Variants in GNG7 observed in about 807,000 individuals in gnomAD.
GNG7 encodes G protein subunit gamma 7.
A neutral mutation model predicts 4.0 loss-of-function variants in GNG7; 1 was observed. The observed-to-expected ratio is 0.25, with a 90% CI of 0.09 to 1.18. The LOEUF (loss-of-function observed/expected upper bound fraction) is 1.18, where lower values mean the gene tolerates loss of function less well. GNG7 is among the 50% of genes most tolerant of loss of function. The probability of loss-of-function intolerance (pLI) is 0.50; values close to 1 mark genes in which losing one functional copy is unlikely to be tolerated. For synonymous variants in GNG7, 34 were observed against 36.9 expected, an observed-to-expected ratio of 0.92 and a Z score of 0.29; for missense variants, 86 against 91.9, an observed-to-expected ratio of 0.94 and a Z score of 0.26.
At chr19:2,540,330 T>G (rs1978917153) in intron 3 of GNG7, among the ~76,000 whole-genome samples, 1 of 151,832 alleles carries the variant, frequency 6.6e-6, no homozygotes, top group Non-Finnish European at 1.5e-5. Context: ...TTTTAATTTT[T>G]TGTAGAGATG....
At chr19:2,528,025 T>A (rs1004584399) in intron 3 of GNG7, among the ~76,000 whole-genome samples, 1 of 151,926 alleles carries the variant, frequency 6.6e-6, no homozygotes, top group Non-Finnish European at 1.5e-5. Context: ...CCCAGAACTT[T>A]GGGAGGTTGA....
At chr19:2,596,188 A>G (rs548684075) in intron 2 of GNG7, among the ~76,000 whole-genome samples, 41 of 152,028 alleles carry the variant, frequency 2.7e-4, no homozygotes, top group African/African-American at 8.9e-4. Context: ...GTGAAACCCC[A>G]TCTCTACTGA....
At position 2,547,372 on chromosome 19, in the gene GNG7, G is replaced by A. The variant is rs548696045; in HGVS notation, c.-38+7777C>T. On this transcript the variant is annotated intron_variant, in intron 3 of 4. Transcript: ENST00000382159. ...GGCTCCAGGGGAGAATCTCTTTCCC[G>A]CCTTTCGCCTAGAGGTGCCCGTATC... 1.4e-3 allele frequency among the ~76,000 whole-genome samples: 207 copies of A among 152,056 alleles called. 1 individual carries two copies. Among genetic ancestry groups the A allele is most frequent in the African/African-American group, 4.6e-3 (189 of 41,462 alleles).
chr19:2,577,905 TCA>T (rs1980391397), intron 2 of GNG7, among the ~76,000 whole-genome samples: 1 of 150,358 alleles, frequency 6.7e-6, no homozygotes, highest in African/African-American at 2.4e-5. Context: ...AATGGCGCAA[TCA>T]CAGCTCACTG....
intron 2 of GNG7, chr19:2,643,378 C>G (rs1982572188): frequency 2.4e-6 from 1 of 410,100 alleles, no homozygotes; most frequent in African/African-American, 2.6e-5. Flanking sequence ...CTGAGCCTCT[C>G]CGGGCTCTGC....
Position 2,514,987 on chromosome 19 carries a change from AG to A in GNG7, c.*34del, listed in dbSNP as rs767004000. On this transcript the variant is annotated 3_prime_UTR_variant, in exon 5 of 5. Coordinates refer to ENST00000382159, the MANE Select transcript of GNG7 (RefSeq NM_052847.3). ...CAGAGACAGAGAGAGAGAGAGAGAA[AG>A]AGAGAGAGAGAGAGAGAACATATGA... The A allele has an allele frequency of 9.9e-6, 8 of 811,296 alleles. No homozygotes were observed. The South Asian group carries it at 1.7e-4, about 18-fold the overall frequency. The allele number at this position is 811,296 out of a possible 1,614,324, so 50.3% of individuals were successfully genotyped here.
intron 2 of GNG7, among the ~76,000 whole-genome samples, chr19:2,607,248 T>C (rs556148280): frequency 7.0e-6 from 1 of 143,446 alleles, no homozygotes; most frequent in East Asian, 2.1e-4. Context: ...CCAGGTGTGG[T>C]GGCTCACACC....
chr19:2,589,398 A>G (rs1449320276), intron 2 of GNG7, among the ~76,000 whole-genome samples: 7 of 96,416 alleles, frequency 7.3e-5, no homozygotes, highest in Admixed American at 2.9e-4. Context: ...TTTTTTTTAA[A>G]TAGCAGAGAT....
At chr19:2,558,249 TG>T (rs1448467459) in intron 2 of GNG7, among the ~76,000 whole-genome samples, 5 of 39,648 alleles carry the variant, frequency 1.3e-4, no homozygotes, top group South Asian at 6.0e-4. Flanking sequence ...TTTTTGTTTT[TG>T]TTTTTTTTTT....
intron 1 of GNG7, among the ~76,000 whole-genome samples, chr19:2,692,881 G>A (rs1439677855): frequency 2.0e-5 from 3 of 151,810 alleles, no homozygotes; most frequent in African/African-American, 7.3e-5. Context: ...GGCCATCTGG[G>A]AGGCTGAGGC....
At chr19:2,577,804 T>C (rs1046696595) in intron 2 of GNG7, among the ~76,000 whole-genome samples, 4 of 151,042 alleles carry the variant, frequency 2.6e-5, no homozygotes, top group African/African-American at 7.3e-5. Flanking sequence ...AAAAAGAAAA[T>C]GTAGAACATC....
chr19:2,664,462 G>A (rs1011563115), intron 1 of GNG7, among the ~76,000 whole-genome samples: 16 of 152,276 alleles, frequency 1.1e-4, no homozygotes, highest in East Asian at 3.9e-4. Flanking sequence ...CGGCCAGGCC[G>A]GGCGTGACCT....
At chr19:2,663,689 G>A (rs552322287) in intron 1 of GNG7, among the ~76,000 whole-genome samples, 3 of 152,272 alleles carry the variant, frequency 2.0e-5, no homozygotes, top group South Asian at 4.1e-4. Context: ...CATTCACTGA[G>A]GGCAAATCAG....
chr19:2,684,712 G>A (rs1983828315), intron 1 of GNG7, among the ~76,000 whole-genome samples: 1 of 152,166 alleles, frequency 6.6e-6, no homozygotes, highest in African/African-American at 2.4e-5. Context: ...ATGGGGGCCG[G>A]GCACAGTGGC....
intron 3 of GNG7, among the ~76,000 whole-genome samples, chr19:2,527,784 C>CCA (rs1491018046): frequency 6.6e-6 from 1 of 151,788 alleles, no homozygotes; most frequent in African/African-American, 2.4e-5. Context: ...ACCCCCCCCC[C>CCA]CACCAGTGCG....
At chr19:2,685,775 C>T (rs916605988) in intron 1 of GNG7, among the ~76,000 whole-genome samples, 1 of 152,184 alleles carries the variant, frequency 6.6e-6, no homozygotes, top group Non-Finnish European at 1.5e-5. Context: ...GCCCGGTGTC[C>T]TCCTCCCGAG....
chr19:2,570,276 TTGTATGGTCTGTAGAAC>T (rs889167538), intron 2 of GNG7, among the ~76,000 whole-genome samples: 13 of 152,280 alleles, frequency 8.5e-5, no homozygotes, highest in Non-Finnish European at 1.3e-4. Flanking sequence ...GGCACCATGC[TTGTATGGTCTGTAGAAC>T]TGTATGGTCT....
At chr19:2,584,738 A>G (rs1233892619) in intron 2 of GNG7, among the ~76,000 whole-genome samples, 8 of 49,492 alleles carry the variant, frequency 1.6e-4, no homozygotes, top group East Asian at 7.6e-4. Context: ...GAAGGAAGGA[A>G]GGAGGGAGGG....
chr19:2,591,321 G>A (rs888770577), intron 2 of GNG7, among the ~76,000 whole-genome samples: 3 of 152,076 alleles, frequency 2.0e-5, no homozygotes, highest in East Asian at 1.9e-4. Context: ...ATACTACTCC[G>A]CCTCCTCTCT....
Sources: allele counts gnomAD v4.1 joint callset (sites outside exome capture counted in the v4.1 genomes callset), GRCh38; gene constraint gnomAD v4.1.1; transcripts MANE v1.5; gene names NCBI Gene and HGNC (gene_info 2026-07-23, HGNC 2026-07-21).